STAU2: variants seen among roughly 807,000 people sequenced by gnomAD.
STAU2 encodes double-stranded RNA-binding protein Staufen homolog 2.
In STAU2, 20 loss-of-function variants were observed where a neutral mutation model predicts 65.9. That is an observed-to-expected ratio of 0.30 (90% CI 0.21 to 0.44). The LOEUF (loss-of-function observed/expected upper bound fraction) is 0.44. STAU2 is among the 20% of genes least tolerant of loss of function. STAU2 has a pLI of 1.00. For synonymous variants in STAU2, 232 were observed against 233.9 expected, an observed-to-expected ratio of 0.99 and a Z score of 0.07; for missense variants, 558 against 683.9, an observed-to-expected ratio of 0.82 and a Z score of 2.05.
chr8:73,449,284 G>A (rs867619387), intron 13 of STAU2, among the ~76,000 whole-genome samples: 1 of 152,204 alleles, frequency 6.6e-6, no homozygotes, highest in Non-Finnish European at 1.5e-5. Context: ...CAGGCATCAG[G>A]ATGGGTCCCT....
chr8:73,519,737 T>G (rs1352064226), intron 13 of STAU2, among the ~76,000 whole-genome samples: 11 of 152,210 alleles, frequency 7.2e-5, no homozygotes, highest in Admixed American at 5.9e-4. Context: ...AAATTCAATT[T>G]AATTCCATCC....
intron 13 of STAU2, chr8:73,440,650 C>A (rs1235459695): frequency 2.2e-5 from 1 of 45,768 alleles, no homozygotes; most frequent in Non-Finnish European, 5.4e-5. Context: ...TAACTCGCAC[C>A]CCTGTGTGCA....
chr8:73,479,797 T>G (rs1407649339), intron 13 of STAU2, among the ~76,000 whole-genome samples: 1 of 151,466 alleles, frequency 6.6e-6, no homozygotes, highest in African/African-American at 2.4e-5. Context: ...TACTCCAAAG[T>G]TTCTGAAGTT....
At chr8:73,441,905 C>A (rs1310095089) in intron 13 of STAU2, among the ~76,000 whole-genome samples, 1 of 152,114 alleles carries the variant, frequency 6.6e-6, no homozygotes, top group East Asian at 1.9e-4. Flanking sequence ...TTTATTAGGA[C>A]AAACTTTAAT....
chr8:73,676,217 T>C (rs952569768), intron 5 of STAU2, among the ~76,000 whole-genome samples: 18 of 151,734 alleles, frequency 1.2e-4, no homozygotes, highest in Admixed American at 6.6e-4. Flanking sequence ...GAGTCAAGAC[T>C]GGATCTTTCC....
intron 4 of STAU2, among the ~76,000 whole-genome samples, chr8:73,705,174 T>C (rs1820423821): frequency 6.6e-6 from 1 of 152,232 alleles, no homozygotes; most frequent in Non-Finnish European, 1.5e-5. Flanking sequence ...CTTAAGAACT[T>C]ATAAATCGTC....
At chr8:73,639,095 A>C (rs1219607690) in intron 6 of STAU2, among the ~76,000 whole-genome samples, 1 of 152,068 alleles carries the variant, frequency 6.6e-6, no homozygotes. Flanking sequence ...ACAAACCCAC[A>C]AATTCTTGTT....
chr8:73,618,026 A>G (rs1397366493), intron 6 of STAU2, among the ~76,000 whole-genome samples: 5 of 152,236 alleles, frequency 3.3e-5, no homozygotes, highest in African/African-American at 1.2e-4. Context: ...AAAAAGCTGC[A>G]ATAATGCAGA....
chr8:73,689,313 A>G (rs1281042775), intron 4 of STAU2, among the ~76,000 whole-genome samples: 1 of 152,226 alleles, frequency 6.6e-6, no homozygotes, highest in Non-Finnish European at 1.5e-5. Context: ...TGAGCCAATC[A>G]CTAAATTCTG....
At chr8:73,576,708 T>A (rs975565708) in intron 12 of STAU2, among the ~76,000 whole-genome samples, 2 of 152,236 alleles carry the variant, frequency 1.3e-5, no homozygotes, top group African/African-American at 4.8e-5. Flanking sequence ...TTAAAAATAA[T>A]AGCAGTTAAT....
chr8:73,699,442 A>G (rs956491119), intron 4 of STAU2, among the ~76,000 whole-genome samples: 6 of 152,110 alleles, frequency 3.9e-5, no homozygotes, highest in African/African-American at 1.4e-4. Context: ...TAAGAAAAAA[A>G]GAAAGAAGGC....
chr8:73,516,654 C>T (rs1354670686), intron 13 of STAU2, among the ~76,000 whole-genome samples: 1 of 152,120 alleles, frequency 6.6e-6, no homozygotes, highest in Non-Finnish European at 1.5e-5. Flanking sequence ...TGGGGAGAGG[C>T]ATGACTTAAT....
intron 12 of STAU2, among the ~76,000 whole-genome samples, chr8:73,556,987 TG>T (rs1050942326): frequency 2.0e-5 from 3 of 151,942 alleles, no homozygotes; most frequent in African/African-American, 7.3e-5. Flanking sequence ...TACTGATTTT[TG>T]TTTTTTACTA....
chr8:73,464,028 C>A (rs759938387), intron 13 of STAU2, among the ~76,000 whole-genome samples: 1 of 152,056 alleles, frequency 6.6e-6, no homozygotes, highest in Non-Finnish European at 1.5e-5. Flanking sequence ...CCTATTTTTT[C>A]CTTTTGGTAA....
intron 11 of STAU2, among the ~76,000 whole-genome samples, chr8:73,585,625 A>G (rs1205736070): frequency 1.3e-5 from 2 of 152,244 alleles, no homozygotes; most frequent in African/African-American, 4.8e-5. Context: ...AGGTCAAAGT[A>G]ATTACTACGA....
chr8:73,650,039 G>A lies in STAU2; in HGVS notation c.410+23068C>T, dbSNP rs150886259. Among the ~76,000 whole-genome samples the A allele has an allele frequency of 6.8e-3, 1,024 of 151,400 alleles. 9 individuals carry two copies. Among genetic ancestry groups the A allele is most frequent in the African/African-American group, 0.024 (975 of 41,334 alleles). On this transcript the variant is annotated intron_variant, in intron 6 of 14. Transcript: ENST00000524300. ...TTGATACAACAGTATTAAGTAAATCGCAGATTTTATTCAAAGATTCTGTAC... is the reference window on the plus strand; with the variant it reads ...TTGATACAACAGTATTAAGTAAATCACAGATTTTATTCAAAGATTCTGTAC...
chr8:73,603,052 C>A (rs1384699051), intron 10 of STAU2, among the ~76,000 whole-genome samples: 1 of 152,078 alleles, frequency 6.6e-6, no homozygotes, highest in Non-Finnish European at 1.5e-5. Context: ...TCTCTCCCCA[C>A]CTTTGGATAT....
chr8:73,499,677 A>C (rs1235245933), intron 13 of STAU2, among the ~76,000 whole-genome samples: 2 of 151,872 alleles, frequency 1.3e-5, no homozygotes, highest in Non-Finnish European at 2.9e-5. Flanking sequence ...AAAGGTTGGC[A>C]GTTGAGGAAA....
chr8:73,433,517 T>C (rs1277353505), intron 13 of STAU2, among the ~76,000 whole-genome samples: 2 of 150,714 alleles, frequency 1.3e-5, no homozygotes, highest in African/African-American at 4.9e-5. Flanking sequence ...TTTTTTTTTT[T>C]TTTGACAGAG....
Sources: allele counts gnomAD v4.1 joint callset (sites outside exome capture counted in the v4.1 genomes callset), GRCh38; gene constraint gnomAD v4.1.1; transcripts MANE v1.5; gene names NCBI Gene and HGNC (gene_info 2026-07-23, HGNC 2026-07-21).